ITSN1: variants seen among roughly 807,000 people sequenced by gnomAD.
The protein encoded by ITSN1 is intersectin-1.
In ITSN1, 58 loss-of-function variants were observed where a neutral mutation model predicts 239.8. The ratio of observed to expected loss-of-function variants is 0.24; its 90% CI spans 0.20 to 0.30. The LOEUF is 0.30. Ranked by LOEUF, ITSN1 falls within the 10% of genes least tolerant of loss-of-function variation. The pLI is 1.00. For missense variants in ITSN1, 1,558 were observed against 2,103.3 expected, an observed-to-expected ratio of 0.74 and a Z score of 5.07; for synonymous variants, 780 against 770.8, an observed-to-expected ratio of 1.01 and a Z score of -0.20.
rs79044876 is a variant in ITSN1, at chr21:33,706,452, A to C, written c.-32-12345A>C. Among the ~76,000 whole-genome samples, 71 of 151,978 alleles carry C rather than the reference A, an allele frequency of 4.7e-4. 1 individual carries two copies. The East Asian group carries it at 0.013, about 28-fold the overall frequency. ...AGGTATTTGGAAAAGCACTGATCTTAGAATTTTAATAAAAGGCATTTATTA... is the reference window on the plus strand; with the variant it reads ...AGGTATTTGGAAAAGCACTGATCTTCGAATTTTAATAAAAGGCATTTATTA... On this transcript the variant is annotated intron_variant, in intron 1 of 39. Coordinates refer to ENST00000381318, the MANE Select transcript of ITSN1 (RefSeq NM_003024.3).
chr21:33,873,496 G>A (rs939679182), intron 33 of ITSN1, among the ~76,000 whole-genome samples: 5 of 152,172 alleles, frequency 3.3e-5, no homozygotes, highest in South Asian at 2.1e-4. Flanking sequence ...AGAGGTCCAC[G>A]TGTCTCATTT....
chr21:33,854,748 C>T (rs1978993385), intron 29 of ITSN1, among the ~76,000 whole-genome samples: 1 of 152,232 alleles, frequency 6.6e-6, no homozygotes, highest in Non-Finnish European at 1.5e-5. Flanking sequence ...AAACCCGTGG[C>T]TGAGCAGAGG....
At chr21:33,822,144 C>T (rs940398616) in intron 24 of ITSN1, among the ~76,000 whole-genome samples, 4 of 152,246 alleles carry the variant, frequency 2.6e-5, no homozygotes, top group East Asian at 3.8e-4. Flanking sequence ...CTGGCCTCGG[C>T]GCTGACAGGT....
At chr21:33,671,270 A>T (rs1391363916) in intron 1 of ITSN1, among the ~76,000 whole-genome samples, 1 of 151,590 alleles carries the variant, frequency 6.6e-6, no homozygotes, top group African/African-American at 2.4e-5. Flanking sequence ...TCTTGGCTGT[A>T]TTTTTTTTCT....
chr21:33,804,067 C>T lies in ITSN1; in HGVS notation c.2319+1623C>T, dbSNP rs149489244. On this transcript the variant is annotated intron_variant, in intron 20 of 39. Transcript: ENST00000381318. Reference sequence around the variant, plus strand: ...CAGTTAACAAATGATGAGCATGAGACATGTAGTACAACATTACTGTCAGTC... The same window carrying T: ...CAGTTAACAAATGATGAGCATGAGATATGTAGTACAACATTACTGTCAGTC... 6.7e-3 allele frequency among the ~76,000 whole-genome samples: 1,014 copies of T among 152,218 alleles called. 4 individuals are homozygous for T. Among genetic ancestry groups the T allele is most frequent in the Non-Finnish European group, 0.011 (733 of 68,008 alleles).
chr21:33,722,776 T>A (rs747258800), intron 4 of ITSN1, 125 bp downstream of exon 4: 1 of 865,950 alleles, frequency 1.2e-6, no homozygotes, highest in Non-Finnish European at 1.6e-6. Context: ...GCCTGAAATA[T>A]CTTGTTACTT....
At chr21:33,842,174 C>T (rs1002944073) in intron 29 of ITSN1, among the ~76,000 whole-genome samples, 5 of 151,988 alleles carry the variant, frequency 3.3e-5, no homozygotes, top group African/African-American at 1.2e-4. Flanking sequence ...GGATTACAGG[C>T]GTGAGCCACC....
chr21:33,687,059 G>T (rs182115524), intron 1 of ITSN1, among the ~76,000 whole-genome samples: 78 of 152,040 alleles, frequency 5.1e-4, no homozygotes, highest in African/African-American at 1.9e-3. Context: ...AGCTGGGTAC[G>T]GTGGCCCATG....
chr21:33,679,164 G>C lies in ITSN1; in HGVS notation c.-33+36451G>C, dbSNP rs2090776832. Reference sequence around the variant, plus strand: ...AGTGTTTCCCGAATCATAAGCCAAAGCCTTTGTATAACCTTATTATGTAAA... The same window carrying C: ...AGTGTTTCCCGAATCATAAGCCAAACCCTTTGTATAACCTTATTATGTAAA... On this transcript the variant is annotated intron_variant, in intron 1 of 39. Coordinates refer to ENST00000381318, the MANE Select transcript of ITSN1 (RefSeq NM_003024.3). Among the ~76,000 whole-genome samples, 3 of 152,252 alleles carry C rather than the reference G, an allele frequency of 2.0e-5. No homozygotes were observed. In the South Asian group the frequency reaches 6.2e-4, roughly 32 times the overall value.
intron 1 of ITSN1, among the ~76,000 whole-genome samples, chr21:33,686,238 ATTT>A (rs556853826): frequency 5.4e-5 from 8 of 148,910 alleles, no homozygotes; most frequent in Admixed American, 4.7e-4. Flanking sequence ...CTGTGATTAG[ATTT>A]TTTTTTTTAA....
chr21:33,739,509 T>C (rs1459537020), intron 5 of ITSN1, among the ~76,000 whole-genome samples: 1 of 152,108 alleles, frequency 6.6e-6, no homozygotes, highest in Non-Finnish European at 1.5e-5. Context: ...TTTCAAATTG[T>C]GGGGAGCAAG....
chr21:33,686,606 T>C (rs2091252501), intron 1 of ITSN1, among the ~76,000 whole-genome samples: 1 of 152,194 alleles, frequency 6.6e-6, no homozygotes, highest in Non-Finnish European at 1.5e-5. Context: ...ACAGTCTGTG[T>C]GACCAGCCAG....
intron 29 of ITSN1, among the ~76,000 whole-genome samples, chr21:33,856,371 G>T (rs1003634518): frequency 3.3e-5 from 5 of 152,162 alleles, no homozygotes; most frequent in Admixed American, 2.0e-4. Context: ...ATGCTGGCAG[G>T]TGCCAGCCTC....
intron 1 of ITSN1, among the ~76,000 whole-genome samples, chr21:33,657,795 A>T (rs978822564): frequency 6.6e-6 from 1 of 152,120 alleles, no homozygotes; most frequent in African/African-American, 2.4e-5. Flanking sequence ...AGACCATCCA[A>T]GCAACAAAGT....
Position 33,856,873 on chromosome 21 carries a change from GGGCAGGGGGCAC to G in ITSN1, c.3783+27_3783+38del. On this transcript the variant is annotated intron_variant, in intron 30 of 39. Coordinates refer to ENST00000381318, the MANE Select transcript of ITSN1 (RefSeq NM_003024.3). Reference sequence around the variant, plus strand: ...GGTCACAGAGGTAAGGGAGCTGGTGGGGCAGGGGGCACGGCAGGGGGCGATGACGGAGGGAGA... The same window carrying G: ...GGTCACAGAGGTAAGGGAGCTGGTGGGGCAGGGGGCGATGACGGAGGGAGA... 4 of 1,613,654 alleles carry G rather than the reference GGGCAGGGGGCAC, an allele frequency of 2.5e-6. No homozygotes were observed. Among genetic ancestry groups the G allele is most frequent in the Non-Finnish European group, 3.4e-6 (4 of 1,179,648 alleles).
intron 17 of ITSN1, among the ~76,000 whole-genome samples, chr21:33,796,260 C>T (rs190716646): frequency 1.3e-4 from 20 of 152,080 alleles, no homozygotes; most frequent in African/African-American, 2.4e-4. Flanking sequence ...CATGAGCCAC[C>T]GCGCCTGGCC....
intron 14 of ITSN1, among the ~76,000 whole-genome samples, chr21:33,776,732 G>C (rs2069659448): frequency 6.6e-6 from 1 of 151,674 alleles, no homozygotes; most frequent in African/African-American, 2.4e-5. Context: ...TGAAGTGTCT[G>C]AACAAATCTT....
At chr21:33,879,648 G>A (rs1307732291) in intron 34 of ITSN1, among the ~76,000 whole-genome samples, 2 of 152,292 alleles carry the variant, frequency 1.3e-5, no homozygotes, top group African/African-American at 2.4e-5. Flanking sequence ...CAGTGAGGCC[G>A]GGATCTGAAG....
chr21:33,690,468 C>T (rs913881299), intron 1 of ITSN1, among the ~76,000 whole-genome samples: 23 of 146,318 alleles, frequency 1.6e-4, no homozygotes, highest in African/African-American at 5.6e-4. Context: ...GTCATGGTGG[C>T]GGGTGCCTGT....
Sources: gnomAD v4.1 joint callset for allele counts (sites outside exome capture counted in the v4.1 genomes callset) on GRCh38, gnomAD v4.1.1 for gene constraint, MANE v1.5 for transcripts, NCBI Gene and HGNC (gene_info 2026-07-23, HGNC 2026-07-21) for gene names.